Variants in CNTNAP2 observed in about 807,000 individuals in gnomAD.
The protein encoded by CNTNAP2 is contactin associated protein 2.
A neutral mutation model predicts 155.2 loss-of-function variants in CNTNAP2; 98 were observed. That is an observed-to-expected ratio of 0.63 (90% CI 0.54 to 0.75). The LOEUF (loss-of-function observed/expected upper bound fraction) is 0.75, where lower values mean the gene tolerates loss of function less well. Ranked by LOEUF, CNTNAP2 falls within the 30% of genes least tolerant of loss-of-function variation. The pLI is 0.00. For missense variants in CNTNAP2, 1,727 were observed against 1,688.1 expected, an observed-to-expected ratio of 1.02 and a Z score of -0.40; for synonymous variants, 651 against 631.2, an observed-to-expected ratio of 1.03 and a Z score of -0.47.
intron 1 of CNTNAP2, among the ~76,000 whole-genome samples, chr7:146,335,277 A>G (rs1467192421): frequency 6.6e-6 from 1 of 152,210 alleles, no homozygotes; most frequent in African/African-American, 2.4e-5. Context: ...TACCGTTTCT[A>G]AAATTTCTCC....
At chr7:147,740,575 A>G (rs1230308981) in intron 13 of CNTNAP2, among the ~76,000 whole-genome samples, 2 of 152,244 alleles carry the variant, frequency 1.3e-5, no homozygotes, top group African/African-American at 2.4e-5. Context: ...GTTAAGGTTC[A>G]GTTAGTCCAA....
intron 10 of CNTNAP2, among the ~76,000 whole-genome samples, chr7:147,484,629 C>G (rs1261332935): frequency 1.3e-5 from 2 of 152,184 alleles, no homozygotes; most frequent in Non-Finnish European, 2.9e-5. Context: ...TGTGGAAGAA[C>G]AGCAAGCTAC....
At chr7:146,520,334 A>ATC (rs1554443421) in intron 1 of CNTNAP2, among the ~76,000 whole-genome samples, 1 of 140,402 alleles carries the variant, frequency 7.1e-6, no homozygotes, top group Admixed American at 7.2e-5. Flanking sequence ...ATATATATAT[A>ATC]TATCTTGAGA....
At position 148,095,226 on chromosome 7, in the gene CNTNAP2, C is replaced by T. The variant is rs28493404; in HGVS notation, c.2384-22892C>T. On this transcript the variant is annotated intron_variant, in intron 15 of 23. Coordinates refer to ENST00000361727, the MANE Select transcript of CNTNAP2 (RefSeq NM_014141.6). The stretch of plus-strand genomic sequence containing the variant: ...TGTAACCCTGCAAAGAAAGCAATGT[C>T]GTTCTGCATCAATGCTGATGAGCCT... Among the ~76,000 whole-genome samples the T allele has an allele frequency of 9.1e-3, 1,379 of 152,196 alleles. 28 individuals are homozygous for T. The highest frequency in any genetic ancestry group is 0.031 in the African/African-American group (1,301 of 41,510).
intron 13 of CNTNAP2, among the ~76,000 whole-genome samples, chr7:147,794,136 TATTTA>T (rs1396954017): frequency 1.3e-5 from 2 of 151,982 alleles, no homozygotes; most frequent in South Asian, 2.1e-4. Flanking sequence ...AATCTGGATG[TATTTA>T]ATTTATTTTT....
Position 148,291,479 on chromosome 7 carries a change from G to C in CNTNAP2, c.3475+24353G>C, listed in dbSNP as rs1280124481. Among the ~76,000 whole-genome samples, 4 of 152,002 alleles carry C rather than the reference G, an allele frequency of 2.6e-5. No homozygotes were observed. The East Asian group carries it at 7.7e-4, about 29-fold the overall frequency. Reference sequence around the variant, plus strand: ...CATCCAGCACAAGAGAAAGATGTAGGCTGGGAGGCTAGGCCAAGTCTCCCT... The same window carrying C: ...CATCCAGCACAAGAGAAAGATGTAGCCTGGGAGGCTAGGCCAAGTCTCCCT... On this transcript the variant is annotated intron_variant, in intron 21 of 23. Coordinates refer to ENST00000361727, the MANE Select transcript of CNTNAP2 (RefSeq NM_014141.6).
At chr7:146,136,729 C>T (rs979669987) in intron 1 of CNTNAP2, among the ~76,000 whole-genome samples, 2 of 152,144 alleles carry the variant, frequency 1.3e-5, no homozygotes, top group Non-Finnish European at 2.9e-5. Flanking sequence ...TCTGTAAACG[C>T]GGAAGCAGGT....
intron 14 of CNTNAP2, among the ~76,000 whole-genome samples, chr7:147,909,752 A>T (rs1800027804): frequency 6.6e-6 from 1 of 152,184 alleles, no homozygotes; most frequent in Admixed American, 6.5e-5. Context: ...TTCGAAAATG[A>T]AATTATCAGG....
chr7:147,366,811 A>C (rs776087874), intron 9 of CNTNAP2, among the ~76,000 whole-genome samples: 87 of 88,924 alleles, frequency 9.8e-4, no homozygotes, highest in Middle Eastern at 5.1e-3. Context: ...ACACACACAC[A>C]CCCCAATGTT....
At chr7:146,946,138 CCTTT>C (rs1353955372) in intron 3 of CNTNAP2, among the ~76,000 whole-genome samples, 6 of 151,278 alleles carry the variant, frequency 4.0e-5, no homozygotes, top group African/African-American at 9.7e-5. Context: ...TTCCTTCCTT[CCTTT>C]CTTCTTTCCT....
intron 13 of CNTNAP2, among the ~76,000 whole-genome samples, chr7:147,890,851 T>C (rs1366491295): frequency 6.6e-6 from 1 of 152,134 alleles, no homozygotes; most frequent in Non-Finnish European, 1.5e-5. Context: ...TTTAGTTAGA[T>C]AGGAGGAATA....
At chr7:146,907,861 G>A (rs1796173053) in intron 3 of CNTNAP2, among the ~76,000 whole-genome samples, 1 of 152,132 alleles carries the variant, frequency 6.6e-6, no homozygotes, top group African/African-American at 2.4e-5. Context: ...CTGGCAAGTT[G>A]GATAAAGAGT....
chr7:147,485,851 T>C, intron 10 of CNTNAP2, 84 bp from the exon 11 acceptor site: 3 of 1,298,590 alleles, frequency 2.3e-6, no homozygotes, highest in Non-Finnish European at 3.4e-6. Flanking sequence ...TGAAATGATA[T>C]ATTGCCCAGA....
At chr7:147,072,597 T>A (rs571822135) in intron 4 of CNTNAP2, among the ~76,000 whole-genome samples, 3 of 152,030 alleles carry the variant, frequency 2.0e-5, no homozygotes, top group African/African-American at 4.8e-5. Context: ...TCTGGGAGGA[T>A]TGAAGAGCTA....
At chr7:147,051,429 C>T (rs1799472197) in intron 4 of CNTNAP2, among the ~76,000 whole-genome samples, 1 of 151,796 alleles carries the variant, frequency 6.6e-6, no homozygotes, top group African/African-American at 2.4e-5. Context: ...ACTCTGCCCT[C>T]AAGGAGATGA....
At chr7:147,182,219 ACT>A (rs2116502234) in intron 8 of CNTNAP2, among the ~76,000 whole-genome samples, 1 of 152,172 alleles carries the variant, frequency 6.6e-6, no homozygotes, top group South Asian at 2.1e-4. Context: ...AAGCCTGTTA[ACT>A]CTAATTAACC....
At chr7:147,029,882 A>C (rs1358628837) in intron 3 of CNTNAP2, among the ~76,000 whole-genome samples, 1 of 152,234 alleles carries the variant, frequency 6.6e-6, no homozygotes, top group African/African-American at 2.4e-5. Flanking sequence ...ACATTAACTA[A>C]AACTTGATAA....
chr7:147,780,906 T>G (rs1797652386), intron 13 of CNTNAP2, among the ~76,000 whole-genome samples: 2 of 152,230 alleles, frequency 1.3e-5, no homozygotes, highest in Non-Finnish European at 2.9e-5. Flanking sequence ...TTCCAGGTTC[T>G]GTTTAAAACA....
At chr7:146,832,494 A>G (rs1215104611) in intron 2 of CNTNAP2, among the ~76,000 whole-genome samples, 1 of 148,192 alleles carries the variant, frequency 6.7e-6, no homozygotes, top group African/African-American at 2.5e-5. Flanking sequence ...AGTATAATTT[A>G]TATATAGTGG....
Sources: gnomAD v4.1 joint callset for allele counts (sites outside exome capture counted in the v4.1 genomes callset) on GRCh38, gnomAD v4.1.1 for gene constraint, MANE v1.5 for transcripts, NCBI Gene and HGNC (gene_info 2026-07-23, HGNC 2026-07-21) for gene names.